The following ZFHX4 variants were observed in gnomAD, a reference collection of about 807,000 sequenced individuals.
ZFHX4 encodes zinc finger homeobox protein 4.
ZFHX4 carries 56 observed loss-of-function variants against 267.6 expected under a neutral mutation model. The ratio of observed to expected loss-of-function variants is 0.21; its 90% CI spans 0.17 to 0.26. The LOEUF (loss-of-function observed/expected upper bound fraction) is 0.26, where lower values mean the gene tolerates loss of function less well. ZFHX4 is among the 10% of genes least tolerant of loss of function. The pLI is 1.00. For missense variants in ZFHX4, 4,332 were observed against 4,420.0 expected, an observed-to-expected ratio of 0.98 and a Z score of 0.56; for synonymous variants, 1,778 against 1,665.6, an observed-to-expected ratio of 1.07 and a Z score of -1.64.
chr8:76,854,611 A>G lies in ZFHX4; in HGVS notation c.7690A>G (p.Ser2564Gly). 1 of 1,613,846 alleles carries G rather than the reference A, an allele frequency of 6.2e-7. No homozygotes were observed. Among genetic ancestry groups the G allele is most frequent in the Non-Finnish European group, 8.5e-7 (1 of 1,179,882 alleles). ...SSLTQMPPQA[S>G]SSHTTAPTTV... The stretch of plus-strand genomic sequence containing the variant: ...CCTCACTCAAATGCCCCCTCAGGCC[A>G]GTTCCTCCCACACCACAGCCCCCAC... Residue 2564 changes from serine to glycine, a missense_variant, in exon 10 of 11, where the codon AGT (serine) becomes GGT (glycine). Coordinates refer to ENST00000651372, the MANE Select transcript of ZFHX4 (RefSeq NM_024721.5).
At chr8:76,828,174 T>A (rs1350135703) in intron 4 of ZFHX4, among the ~76,000 whole-genome samples, 1 of 152,170 alleles carries the variant, frequency 6.6e-6, no homozygotes, top group Non-Finnish European at 1.5e-5. Flanking sequence ...TGTTAAAATA[T>A]CAACTACTAA....
At chr8:76,833,994 T>C (rs1483899536) in intron 5 of ZFHX4, 2 of 262,780 alleles carry the variant, frequency 7.6e-6, no homozygotes, top group Non-Finnish European at 1.5e-5. Context: ...ATGTAGTTTT[T>C]TTTAGATTGG....
chr8:76,856,228 G>T lies in ZFHX4; in HGVS notation c.9307G>T (p.Gly3103Cys), dbSNP rs538998786. ...GCCAACAGCCTACCCCGGACTCCCC[G>T]GCCTTCCTCCAGTCCTTCTCCCCGG... ...SLPTAYPGLP[G>C]LPPVLLPGMN... Residue 3103 changes from glycine to cysteine, a missense_variant, in exon 10 of 11, where the codon GGC becomes TGC. Gly to Cys is a radical substitution (Grantham distance 159). Coordinates refer to ENST00000651372, the MANE Select transcript of ZFHX4 (RefSeq NM_024721.5). 1 of 1,613,752 alleles carries T rather than the reference G, an allele frequency of 6.2e-7. No individual in the cohort carries two copies. The highest frequency in any genetic ancestry group is 1.7e-5 in the Admixed American group (1 of 59,994).
intron 3 of ZFHX4, among the ~76,000 whole-genome samples, chr8:76,712,927 AAC>A (rs1487247296): frequency 6.6e-6 from 1 of 152,206 alleles, no homozygotes; most frequent in Non-Finnish European, 1.5e-5. Flanking sequence ...ATTGAAAAAA[AAC>A]AGTTTCTCTA....
chr8:76,828,152 T>G (rs1811835549), intron 4 of ZFHX4, among the ~76,000 whole-genome samples: 1 of 152,244 alleles, frequency 6.6e-6, no homozygotes. Context: ...CCAAGACAAG[T>G]TCAGAGGGCA....
At chr8:76,716,165 G>A (rs1035618444) in intron 3 of ZFHX4, among the ~76,000 whole-genome samples, 2 of 152,040 alleles carry the variant, frequency 1.3e-5, no homozygotes, top group Non-Finnish European at 2.9e-5. Context: ...CCTTTTGCAA[G>A]AAGGCCTCAT....
At chr8:76,744,265 G>T (rs2131690291) in intron 3 of ZFHX4, among the ~76,000 whole-genome samples, 1 of 152,150 alleles carries the variant, frequency 6.6e-6, no homozygotes, top group Middle Eastern at 3.4e-3. Flanking sequence ...AGAATCGCTT[G>T]AACCCAGGAG....
intron 8 of ZFHX4, 94 bp from the exon 9 acceptor site, chr8:76,850,151 A>C: frequency 9.9e-7 from 1 of 1,007,544 alleles, no homozygotes; most frequent in South Asian, 1.6e-5. Context: ...AAAATAAACA[A>C]ATGTAAGTGG....
chr8:76,687,411 G>C (rs1807718070), intron 1 of ZFHX4, among the ~76,000 whole-genome samples: 1 of 152,198 alleles, frequency 6.6e-6, no homozygotes, highest in Non-Finnish European at 1.5e-5. Context: ...TACCCATGAA[G>C]AGGACATTGT....
intron 1 of ZFHX4, among the ~76,000 whole-genome samples, chr8:76,700,017 C>G (rs1036779871): frequency 6.6e-6 from 1 of 151,950 alleles, no homozygotes; most frequent in African/African-American, 2.4e-5. Flanking sequence ...TTGTCTTTGC[C>G]TAACTCACTA....
intron 1 of ZFHX4, among the ~76,000 whole-genome samples, chr8:76,698,381 A>C (rs984372893): frequency 1.3e-5 from 2 of 152,182 alleles, no homozygotes; most frequent in Non-Finnish European, 2.9e-5. Flanking sequence ...GTTTGATTAA[A>C]GTTTTGAAGA....
At chr8:76,744,758 T>G (rs920437838) in intron 3 of ZFHX4, among the ~76,000 whole-genome samples, 1 of 152,184 alleles carries the variant, frequency 6.6e-6, no homozygotes, top group African/African-American at 2.4e-5. Context: ...AAAAAAATTT[T>G]TTTAGATAAA....
intron 3 of ZFHX4, among the ~76,000 whole-genome samples, chr8:76,747,107 A>G (rs998362988): frequency 3.9e-5 from 6 of 152,194 alleles, no homozygotes; most frequent in African/African-American, 1.4e-4. Context: ...AAGGAAAAAA[A>G]TGACTATATT....
chr8:76,850,148 A>G, intron 8 of ZFHX4, 97 bp from the exon 9 acceptor site: 1 of 985,400 alleles, frequency 1.0e-6, no homozygotes. Flanking sequence ...GCTAAAATAA[A>G]CAAATGTAAG....
intron 3 of ZFHX4, among the ~76,000 whole-genome samples, chr8:76,759,751 A>AT: frequency 6.6e-6 from 1 of 152,336 alleles, no homozygotes; most frequent in Middle Eastern, 3.4e-3. Context: ...CAAGATGGAA[A>AT]TAAAAAATAA....
intron 3 of ZFHX4, among the ~76,000 whole-genome samples, chr8:76,749,967 T>A (rs1172236853): frequency 6.6e-6 from 1 of 152,204 alleles, no homozygotes; most frequent in Non-Finnish European, 1.5e-5. Context: ...GTTGTATATC[T>A]GGAAGCTTGA....
At chr8:76,835,241 G>GTATATATATGTATATATATATA (rs1563549090) in intron 5 of ZFHX4, among the ~76,000 whole-genome samples, 1 of 42,648 alleles carries the variant, frequency 2.3e-5, no homozygotes, top group Non-Finnish European at 4.4e-5. Context: ...ATATATATAT[G>GTATATATATGTATATATATATA]TATATATATA....
At chr8:76,750,608 TTG>T (rs1253345241) in intron 3 of ZFHX4, among the ~76,000 whole-genome samples, 3 of 152,178 alleles carry the variant, frequency 2.0e-5, no homozygotes, top group Non-Finnish European at 4.4e-5. Flanking sequence ...AACTGCGTCT[TTG>T]TGATATTTTC....
At chr8:76,849,767 A>G in intron 8 of ZFHX4, 55 bp downstream of exon 8, 2 of 1,495,330 alleles carry the variant, frequency 1.3e-6, no homozygotes, top group Admixed American at 1.8e-5. Flanking sequence ...AGGAATATCA[A>G]TATAAAATCT....
Sources: allele counts gnomAD v4.1 joint callset (sites outside exome capture counted in the v4.1 genomes callset), GRCh38; gene constraint gnomAD v4.1.1; transcripts MANE v1.5; gene names NCBI Gene and HGNC (gene_info 2026-07-23, HGNC 2026-07-21).